RAVER2: variants seen among roughly 807,000 people sequenced by gnomAD.
The protein encoded by RAVER2 is ribonucleoprotein PTB-binding 2.
In RAVER2, 46 loss-of-function variants were observed where a neutral mutation model predicts 78.1. The ratio of observed to expected loss-of-function variants is 0.59; its 90% CI spans 0.46 to 0.75. RAVER2 has a LOEUF of 0.75. RAVER2 is among the 30% of genes least tolerant of loss of function. The probability of loss-of-function intolerance (pLI) is 0.00; values close to 1 mark genes in which losing one functional copy is unlikely to be tolerated. For missense variants in RAVER2, 793 were observed against 837.5 expected, an observed-to-expected ratio of 0.95 and a Z score of 0.66; for synonymous variants, 311 against 313.3, an observed-to-expected ratio of 0.99 and a Z score of 0.08.
intron 5 of RAVER2, among the ~76,000 whole-genome samples, chr1:64,794,889 A>G (rs1258192303): frequency 6.6e-6 from 1 of 152,068 alleles, no homozygotes; most frequent in Non-Finnish European, 1.5e-5. Flanking sequence ...AATCTTTGCC[A>G]AATTCAGGTT....
chr1:64,832,678 A>G (rs1286763986), exon 12 of RAVER2: 1 of 152,170 alleles, frequency 6.6e-6, no homozygotes, highest in South Asian at 2.1e-4. Context: ...TATTGCATAT[A>G]CTAGCTTCTG....
chr1:64,821,718 C>T (rs1653892503), intron 11 of RAVER2, among the ~76,000 whole-genome samples: 1 of 152,102 alleles, frequency 6.6e-6, no homozygotes, highest in South Asian at 2.1e-4. Flanking sequence ...TAGCCATATG[C>T]AGAAGATTAA....
intron 7 of RAVER2, 33 bp downstream of exon 7, chr1:64,804,871 A>T (rs1653368471): frequency 8.6e-6 from 13 of 1,511,792 alleles, no homozygotes; most frequent in Non-Finnish European, 1.2e-5. Context: ...TTTTAAAATC[A>T]GTTCATTTCT....
intron 11 of RAVER2, among the ~76,000 whole-genome samples, chr1:64,824,879 C>T (rs961017994): frequency 1.2e-4 from 17 of 142,712 alleles, no homozygotes; most frequent in African/African-American, 4.0e-4. Flanking sequence ...TTTAGTGAGC[C>T]GAGATCCCGC....
intron 10 of RAVER2, 112 bp from the exon 11 acceptor site, chr1:64,814,592 A>G: frequency 1.7e-6 from 1 of 603,390 alleles, no homozygotes; most frequent in South Asian, 7.9e-5. Context: ...AATAAAATAT[A>G]ATTTGTTTAT....
At chr1:64,763,116 T>C (rs969725162) in intron 1 of RAVER2, among the ~76,000 whole-genome samples, 2 of 151,944 alleles carry the variant, frequency 1.3e-5, no homozygotes, top group Non-Finnish European at 2.9e-5. Context: ...GAGACCATCC[T>C]GGCTAACACG....
intron 2 of RAVER2, among the ~76,000 whole-genome samples, chr1:64,777,110 C>T (rs1439280542): frequency 6.6e-6 from 1 of 152,054 alleles, no homozygotes; most frequent in Non-Finnish European, 1.5e-5. Context: ...AAGAAATGGC[C>T]TCCTTTATGC....
At chr1:64,785,391 A>G (rs1344478838) in intron 4 of RAVER2, among the ~76,000 whole-genome samples, 2 of 147,202 alleles carry the variant, frequency 1.4e-5, no homozygotes, top group Non-Finnish European at 3.0e-5. Context: ...TTTTTTTGAA[A>G]TAGAGTCTTG....
chr1:64,821,642 G>A (rs558882076), intron 11 of RAVER2, among the ~76,000 whole-genome samples: 46 of 152,262 alleles, frequency 3.0e-4, no homozygotes, highest in African/African-American at 5.1e-4. Context: ...TCTGGTCTTC[G>A]ACAAAGTTGA....
chr1:64,821,873 C>A (rs1375034328), intron 11 of RAVER2, among the ~76,000 whole-genome samples: 1 of 152,164 alleles, frequency 6.6e-6, no homozygotes, highest in African/African-American at 2.4e-5. Context: ...GATTTTACGA[C>A]AAAGTATGGC....
chr1:64,771,193 G>A (rs1652307045), intron 2 of RAVER2, among the ~76,000 whole-genome samples: 1 of 151,654 alleles, frequency 6.6e-6, no homozygotes, highest in Non-Finnish European at 1.5e-5. Flanking sequence ...ACATTTAGCG[G>A]GACAAAGATT....
At chr1:64,755,864 T>C (rs1651843251) in intron 1 of RAVER2, among the ~76,000 whole-genome samples, 1 of 150,700 alleles carries the variant, frequency 6.6e-6, no homozygotes, top group African/African-American at 2.4e-5. Context: ...AAGTATAGCG[T>C]AAAGAATGTT....
At chr1:64,791,126 G>C (rs1188429329) in intron 5 of RAVER2, among the ~76,000 whole-genome samples, 1 of 152,180 alleles carries the variant, frequency 6.6e-6, no homozygotes, top group Non-Finnish European at 1.5e-5. Context: ...GATACACTTA[G>C]GGAAAAGTCT....
intron 11 of RAVER2, among the ~76,000 whole-genome samples, chr1:64,823,911 A>T (rs1653944654): frequency 6.7e-6 from 1 of 148,484 alleles, no homozygotes; most frequent in Non-Finnish European, 1.5e-5. Context: ...GGTTCAAGTG[A>T]TTCTCCTGCC....
intron 4 of RAVER2, among the ~76,000 whole-genome samples, chr1:64,786,930 A>C (rs964496100): frequency 6.6e-6 from 1 of 152,240 alleles, no homozygotes; most frequent in Non-Finnish European, 1.5e-5. Context: ...AATGGAGATA[A>C]TACTAAGCTT....
intron 1 of RAVER2, among the ~76,000 whole-genome samples, chr1:64,763,917 TACACACACAC>T (rs58298918): frequency 1.5e-4 from 20 of 133,812 alleles, no homozygotes; most frequent in African/African-American, 3.8e-4. Flanking sequence ...AAAACAAAAA[TACACACACAC>T]ACACACACAC....
chr1:64,804,045 C>T (rs1051690260), intron 6 of RAVER2, among the ~76,000 whole-genome samples: 1 of 152,142 alleles, frequency 6.6e-6, no homozygotes, highest in South Asian at 2.1e-4. Context: ...CCCACTACAA[C>T]AGCCTGGTTT....
At chr1:64,811,028 A>G (rs1653588389) in intron 9 of RAVER2, among the ~76,000 whole-genome samples, 1 of 152,168 alleles carries the variant, frequency 6.6e-6, no homozygotes, top group Non-Finnish European at 1.5e-5. Context: ...CTAGTTTGTA[A>G]TTTACTACCA....
In RAVER2 at chr1:64,774,702, A is replaced by G. The variant is rs113465816; in HGVS notation, c.317-2921A>G. Among the ~76,000 whole-genome samples, 300 of 152,252 alleles carry G rather than the reference A, an allele frequency of 2.0e-3. 1 individual carries two copies. The highest frequency in any genetic ancestry group is 6.9e-3 in the African/African-American group (286 of 41,536). On this transcript the variant is annotated intron_variant, in intron 2 of 11. Coordinates refer to ENST00000294428, the Ensembl canonical transcript of RAVER2. ...ATGAAATTTAAAGTAGTTTTTTCCAATTCTGTGAAGAAAGTCATTGGTAGT... is the reference window on the plus strand; with the variant it reads ...ATGAAATTTAAAGTAGTTTTTTCCAGTTCTGTGAAGAAAGTCATTGGTAGT...
Sources: gnomAD v4.1 joint callset for allele counts (sites outside exome capture counted in the v4.1 genomes callset) on GRCh38, gnomAD v4.1.1 for gene constraint, MANE v1.5 for transcripts, NCBI Gene and HGNC (gene_info 2026-07-23, HGNC 2026-07-21) for gene names.